PRLR: variants seen among roughly 807,000 people sequenced by gnomAD.
PRLR encodes the protein hPRL receptor.
Under a neutral mutation model 40.2 loss-of-function variants are expected in PRLR, and 13 were observed. The ratio of observed to expected loss-of-function variants is 0.32; its 90% CI spans 0.21 to 0.51. PRLR has a LOEUF of 0.51. PRLR is among the 20% of genes least tolerant of loss of function. PRLR has a pLI of 0.97. For synonymous variants in PRLR, 269 were observed against 278.7 expected (o/e 0.97, Z 0.35); for missense variants, 656 against 747.3 (o/e 0.88, Z 1.42).
At chr5:35,157,197 T>C (rs1046181282) in intron 1 of PRLR, among the ~76,000 whole-genome samples, 4 of 152,130 alleles carry the variant, frequency 2.6e-5, no homozygotes, top group Non-Finnish European at 5.9e-5. Flanking sequence ...CTTCAAAGTT[T>C]TCCTTTATGG....
At chr5:35,131,068 G>A (rs1382772721) in intron 1 of PRLR, among the ~76,000 whole-genome samples, 1 of 152,140 alleles carries the variant, frequency 6.6e-6, no homozygotes, top group Non-Finnish European at 1.5e-5. Context: ...GTTGTTGTAA[G>A]CCATCTAGTT....
At chr5:35,195,493 T>C (rs1487904561) in intron 1 of PRLR, 2 of 152,118 alleles carry the variant, frequency 1.3e-5, no homozygotes, top group Non-Finnish European at 2.9e-5. Context: ...ATGAGAAAGA[T>C]TGAAAGGAGA....
intron 2 of PRLR, among the ~76,000 whole-genome samples, chr5:35,110,303 T>C (rs1772578400): frequency 6.6e-6 from 1 of 152,054 alleles, no homozygotes; most frequent in African/African-American, 2.4e-5. Context: ...ACATGGCACA[T>C]GTATACATAT....
At chr5:35,221,855 G>C (rs1776430178) in intron 1 of PRLR, among the ~76,000 whole-genome samples, 1 of 152,196 alleles carries the variant, frequency 6.6e-6, no homozygotes, top group African/African-American at 2.4e-5. Flanking sequence ...TTTGGGAATG[G>C]TACAAATTGA....
At chr5:35,186,036 G>A (rs147876835) in intron 1 of PRLR, among the ~76,000 whole-genome samples, 376 of 152,204 alleles carry the variant, frequency 2.5e-3, no homozygotes, top group African/African-American at 8.5e-3. Context: ...TGGATCTACA[G>A]CCTTTAAGTG....
chr5:35,066,164 C>T, intron 9 of PRLR, 62 bp from the exon 10 acceptor site: 1 of 1,490,668 alleles, frequency 6.7e-7, no homozygotes, highest in East Asian at 2.3e-5. Context: ...AAATCAGCAT[C>T]CCTGCTAAGT....
chr5:35,189,076 T>C (rs1261102743), intron 1 of PRLR, among the ~76,000 whole-genome samples: 1 of 152,090 alleles, frequency 6.6e-6, no homozygotes, highest in Non-Finnish European at 1.5e-5. Flanking sequence ...AGGGGAAATT[T>C]GGACACAGAT....
At chr5:35,125,886 C>T (rs535445337) in intron 1 of PRLR, among the ~76,000 whole-genome samples, 17 of 152,310 alleles carry the variant, frequency 1.1e-4, no homozygotes, top group African/African-American at 3.8e-4. Flanking sequence ...GGTTGGGGAA[C>T]ATCTAAATGC....
chr5:35,221,103 G>A (rs1417958568), intron 1 of PRLR, among the ~76,000 whole-genome samples: 1 of 152,198 alleles, frequency 6.6e-6, no homozygotes, highest in East Asian at 1.9e-4. Flanking sequence ...GTGTTACACA[G>A]CCTAGTTATT....
rs542804794 is a variant in PRLR, at chr5:35,096,532, G to GT, written c.-43-6870dup. ...CATAAATCATACATTATGTTTTGCA[G>GT]TTTACAGAGCTGTTCTATAGACATC... On this transcript the variant is annotated intron_variant, in intron 2 of 9. Coordinates refer to ENST00000618457, the MANE Select transcript of PRLR (RefSeq NM_000949.7). Among the ~76,000 whole-genome samples the GT allele has an allele frequency of 7.2e-4, 109 of 152,164 alleles. 1 individual carries two copies. In the East Asian group the frequency reaches 0.018, roughly 25 times the overall value.
intron 4 of PRLR, 69 bp from the exon 5 acceptor site, chr5:35,084,708 A>G (rs2112456680): frequency 6.9e-7 from 1 of 1,443,788 alleles, no homozygotes; most frequent in East Asian, 2.4e-5. Flanking sequence ...TTCTTCATAG[A>G]TCAATACCAC....
At chr5:35,180,552 TG>T (rs1775266968) in intron 1 of PRLR, among the ~76,000 whole-genome samples, 2 of 152,180 alleles carry the variant, frequency 1.3e-5, no homozygotes, top group African/African-American at 2.4e-5. Context: ...TGCAGAACCG[TG>T]AGCCAATTAA....
intron 4 of PRLR, 70 bp from the exon 5 acceptor site, chr5:35,084,709 T>C (rs1215195283): frequency 7.0e-7 from 1 of 1,423,952 alleles, no homozygotes; most frequent in Non-Finnish European, 9.6e-7. Flanking sequence ...TCTTCATAGA[T>C]CAATACCACT....
chr5:35,058,611 C>A lies in PRLR; in HGVS notation c.*6478G>T, dbSNP rs1051225336. Reference sequence around the variant, plus strand: ...TCACGCTTTCAACAGAAATACATTACATATTTTTTCAGTTTTGTTTTACAG... The same window carrying A: ...TCACGCTTTCAACAGAAATACATTAAATATTTTTTCAGTTTTGTTTTACAG... On this transcript the variant is annotated 3_prime_UTR_variant, in exon 10 of 10. Coordinates refer to ENST00000618457, the MANE Select transcript of PRLR (RefSeq NM_000949.7). The A allele has an allele frequency of 7.9e-5, 12 of 152,170 alleles. No homozygotes were observed. Among genetic ancestry groups the A allele is most frequent in the African/African-American group, 2.9e-4 (12 of 41,442 alleles). 9.4% of individuals were successfully genotyped at this position (152,170 alleles called of 1,614,324 possible).
intron 1 of PRLR, among the ~76,000 whole-genome samples, chr5:35,139,154 A>G (rs1191316337): frequency 2.0e-5 from 3 of 152,120 alleles, no homozygotes; most frequent in Non-Finnish European, 4.4e-5. Flanking sequence ...TTATTTTTTG[A>G]GATGGAGTCT....
chr5:35,086,471 G>C, intron 3 of PRLR, 131 bp from the exon 4 acceptor site: 1 of 1,126,210 alleles, frequency 8.9e-7, no homozygotes, highest in East Asian at 2.5e-5. Context: ...ACCTAGGGTG[G>C]ATGCTCAGGA....
chr5:35,203,320 C>T (rs1444241844), intron 1 of PRLR, among the ~76,000 whole-genome samples: 1 of 152,164 alleles, frequency 6.6e-6, no homozygotes, highest in Non-Finnish European at 1.5e-5. Context: ...CTTTAAATAT[C>T]TGGTTATGCC....
At chr5:35,077,431 C>A (rs547149770) in intron 5 of PRLR, among the ~76,000 whole-genome samples, 1 of 152,168 alleles carries the variant, frequency 6.6e-6, no homozygotes, top group East Asian at 1.9e-4. Context: ...AGACTTGAAA[C>A]CAACAAAGAT....
rs180885993 is a variant in PRLR, at chr5:35,115,537, C to T, written c.-44+2524G>A. 4.4e-4 allele frequency among the ~76,000 whole-genome samples: 67 copies of T among 152,256 alleles called. 1 individual carries two copies. The South Asian group carries it at 5.8e-3, about 13-fold the overall frequency. On this transcript the variant is annotated intron_variant, in intron 2 of 9. Coordinates refer to ENST00000618457, the MANE Select transcript of PRLR (RefSeq NM_000949.7). ...CAGCCTATGGGTGGACACATCCTCC[C>T]GAGGACCCTGGGCTGCTTCTAATCT...
Sources: allele counts gnomAD v4.1 joint callset (sites outside exome capture counted in the v4.1 genomes callset), GRCh38; gene constraint gnomAD v4.1.1; transcripts MANE v1.5; gene names NCBI Gene and HGNC (gene_info 2026-07-23, HGNC 2026-07-21).